Variants in ADAMTSL1 observed in about 807,000 individuals in gnomAD.
ADAMTSL1 encodes the protein ADAMTS like 1, also known as ADAMTS-like protein 1.
ADAMTSL1 carries 126 observed loss-of-function variants against 201.8 expected under a neutral mutation model. That is an observed-to-expected ratio of 0.62 (90% confidence interval 0.54 to 0.72). The LOEUF (loss-of-function observed/expected upper bound fraction) is 0.72, where lower values mean the gene tolerates loss of function less well. ADAMTSL1 is among the 30% of genes least tolerant of loss of function. The pLI is 0.00. For missense variants in ADAMTSL1, 2,679 were observed against 2,277.8 expected, an observed-to-expected ratio of 1.18 and a Z score of -3.59; for synonymous variants, 1,121 against 903.4, an observed-to-expected ratio of 1.24 and a Z score of -4.32.
chr9:18,635,937 C>T lies in ADAMTSL1; in HGVS notation c.602-6C>T. On this transcript the variant is annotated splice_region_variant and splice_polypyrimidine_tract_variant and intron_variant, in intron 5 of 28. Coordinates refer to ENST00000380548, the MANE Select transcript of ADAMTSL1 (RefSeq NM_001040272.6). The stretch of plus-strand genomic sequence containing the variant: ...GCTTTTAAGATTTTGCTTTGTTTCT[C>T]TCTAGCGGATGATACTGTGGTTGCA... 1.9e-6 allele frequency: 3 copies of T among 1,596,176 alleles called. No homozygotes were observed. The highest frequency in any genetic ancestry group is 2.6e-6 in the Non-Finnish European group (3 of 1,175,556).
At chr9:18,415,938 C>A (rs1376447249) in intron 2 of ADAMTSL1, among the ~76,000 whole-genome samples, 1 of 151,864 alleles carries the variant, frequency 6.6e-6, no homozygotes, top group African/African-American at 2.4e-5. Context: ...AATCTAGAAC[C>A]CCAAAACCAG....
chr9:18,088,047 G>C (rs1157202593), intron 1 of ADAMTSL1, among the ~76,000 whole-genome samples: 2 of 152,020 alleles, frequency 1.3e-5, no homozygotes, highest in Admixed American at 6.6e-5. Flanking sequence ...ATTTGCATAA[G>C]TACAGACATA....
chr9:18,301,877 T>A (rs887811448), intron 2 of ADAMTSL1, among the ~76,000 whole-genome samples: 2 of 152,236 alleles, frequency 1.3e-5, no homozygotes, highest in Non-Finnish European at 2.9e-5. Context: ...ATTGTGTGTG[T>A]ACATTATTTT....
intron 1 of ADAMTSL1, among the ~76,000 whole-genome samples, chr9:18,092,218 C>T (rs1174407775): frequency 2.0e-5 from 3 of 151,994 alleles, no homozygotes; most frequent in African/African-American, 7.3e-5. Context: ...TTGGGGAAGA[C>T]AGACATATAA....
At position 18,570,012 on chromosome 9, in the gene ADAMTSL1, GA is replaced by G. The variant is rs1192289622; in HGVS notation, c.238-4013del. Reference sequence around the variant, plus strand: ...GCTGATATTTCAAAGATGATGCCCAGAAAAAGATGGTAAGTATTTTTCAAAA... The same window carrying G: ...GCTGATATTTCAAAGATGATGCCCAGAAAAGATGGTAAGTATTTTTCAAAA... On this transcript the variant is annotated intron_variant, in intron 3 of 28. Coordinates refer to ENST00000380548, the MANE Select transcript of ADAMTSL1 (RefSeq NM_001040272.6). 1.3e-4 allele frequency among the ~76,000 whole-genome samples: 20 copies of G among 152,116 alleles called. No homozygotes were observed. The East Asian group carries it at 3.9e-3, about 29-fold the overall frequency.
chr9:18,596,439 T>C (rs1295227296), intron 4 of ADAMTSL1, among the ~76,000 whole-genome samples: 2 of 152,106 alleles, frequency 1.3e-5, no homozygotes, highest in Admixed American at 6.5e-5. Flanking sequence ...CAAACAGAGG[T>C]AACAATATCT....
intron 1 of ADAMTSL1, among the ~76,000 whole-genome samples, chr9:18,490,059 G>C (rs539574429): frequency 2.6e-4 from 40 of 152,288 alleles, no homozygotes; most frequent in Non-Finnish European, 5.3e-4. Flanking sequence ...TCTACTCAAG[G>C]ACCAATTCCT....
At chr9:18,824,535 CT>C (rs1237406697) in intron 21 of ADAMTSL1, among the ~76,000 whole-genome samples, 1 of 152,128 alleles carries the variant, frequency 6.6e-6, no homozygotes, top group African/African-American at 2.4e-5. Flanking sequence ...TGAAGACACT[CT>C]GCATTCTCAA....
chr9:18,749,855 G>T (rs1241379425), intron 15 of ADAMTSL1, among the ~76,000 whole-genome samples: 1 of 152,236 alleles, frequency 6.6e-6, no homozygotes, highest in African/African-American at 2.4e-5. Flanking sequence ...AGGGCAGGCA[G>T]ATATGTCTGT....
chr9:18,423,682 T>C (rs1038318962), intron 2 of ADAMTSL1, among the ~76,000 whole-genome samples: 2 of 152,188 alleles, frequency 1.3e-5, no homozygotes, highest in African/African-American at 2.4e-5. Flanking sequence ...AGCACGCTTT[T>C]GGAGGTCAGA....
intron 2 of ADAMTSL1, among the ~76,000 whole-genome samples, chr9:18,204,671 A>C (rs1293365694): frequency 6.6e-6 from 1 of 152,112 alleles, no homozygotes; most frequent in Non-Finnish European, 1.5e-5. Flanking sequence ...TCATCTGAAG[A>C]CTGGTTGCCA....
In ADAMTSL1 at chr9:18,910,648, G is replaced by A. The variant is rs1830549533; in HGVS notation, c.*2100G>A. On this transcript the variant is annotated 3_prime_UTR_variant, in exon 29 of 29. Coordinates refer to ENST00000380548, the MANE Select transcript of ADAMTSL1 (RefSeq NM_001040272.6). ...GTGGTTAATTATTTCTAGTTCGATA[G>A]TGATTGAAAATCAGTGGTCACTATT... 1 of 152,218 alleles carries A rather than the reference G, an allele frequency of 6.6e-6. No individual in the cohort carries two copies. Among genetic ancestry groups the A allele is most frequent in the Non-Finnish European group, 1.5e-5 (1 of 68,046 alleles). 9.4% of individuals were successfully genotyped at this position (152,218 alleles called of 1,614,324 possible).
chr9:18,391,614 C>G (rs1838048287), intron 2 of ADAMTSL1, among the ~76,000 whole-genome samples: 1 of 151,926 alleles, frequency 6.6e-6, no homozygotes, highest in Non-Finnish European at 1.5e-5. Flanking sequence ...TTCATTGGCA[C>G]AAGAATGATT....
chr9:18,355,159 T>A (rs1162680830), intron 2 of ADAMTSL1, among the ~76,000 whole-genome samples: 1 of 152,130 alleles, frequency 6.6e-6, no homozygotes, highest in Non-Finnish European at 1.5e-5. Context: ...CTGTTTCACC[T>A]TTTTGATACT....
At chr9:18,602,045 T>C (rs897775473) in intron 4 of ADAMTSL1, among the ~76,000 whole-genome samples, 5 of 152,330 alleles carry the variant, frequency 3.3e-5, no homozygotes, top group African/African-American at 1.2e-4. Context: ...TTGTTAGCAA[T>C]TGTAAGCAGG....
intron 1 of ADAMTSL1, among the ~76,000 whole-genome samples, chr9:18,129,048 T>C (rs1204836796): frequency 6.6e-6 from 1 of 152,194 alleles, no homozygotes; most frequent in Non-Finnish European, 1.5e-5. Context: ...ATTGCAGAAA[T>C]TTCCCATTTT....
At chr9:18,460,935 A>T (rs191386903) in intron 2 of ADAMTSL1, among the ~76,000 whole-genome samples, 3 of 152,318 alleles carry the variant, frequency 2.0e-5, no homozygotes, top group African/African-American at 7.2e-5. Flanking sequence ...ACTCTTTATA[A>T]AAACATTTTA....
intron 4 of ADAMTSL1, among the ~76,000 whole-genome samples, chr9:18,613,878 T>C (rs1825542401): frequency 6.6e-6 from 1 of 152,156 alleles, no homozygotes; most frequent in South Asian, 2.1e-4. Flanking sequence ...CATGTACCCC[T>C]GAACTTAAAA....
intron 2 of ADAMTSL1, among the ~76,000 whole-genome samples, chr9:18,276,752 A>AT (rs1832604016): frequency 6.6e-6 from 1 of 152,158 alleles, no homozygotes; most frequent in Non-Finnish European, 1.5e-5. Context: ...AGTTATTTTA[A>AT]ACAGCCAGAT....
Sources: allele counts gnomAD v4.1 joint callset (sites outside exome capture counted in the v4.1 genomes callset), GRCh38; gene constraint gnomAD v4.1.1; transcripts MANE v1.5; gene names NCBI Gene and HGNC (gene_info 2026-07-23, HGNC 2026-07-21).